Variants in CATSPERE observed in about 807,000 individuals in gnomAD.
CATSPERE encodes the protein catsper channel auxiliary subunit epsilon.
Under a neutral mutation model 114.1 loss-of-function variants are expected in CATSPERE, and 93 were observed. The ratio of observed to expected loss-of-function variants is 0.81; its 90% CI spans 0.69 to 0.97. CATSPERE has a LOEUF of 0.97. CATSPERE is among the 50% of genes least tolerant of loss of function. The pLI, the probability that CATSPERE is intolerant of heterozygous loss-of-function variation, is 0.00. For synonymous variants in CATSPERE, 341 were observed against 384.1 expected (o/e 0.89, Z 1.31); for missense variants, 1,058 against 1,131.6 (o/e 0.93, Z 0.93).
At chr1:244,562,351 C>G (rs12064500) in intron 10 of CATSPERE, among the ~76,000 whole-genome samples, 30,050 of 151,908 alleles carry the variant, frequency 0.2, 4,457 homozygotes, top group East Asian at 0.42. Context: ...TATTTAGATA[C>G]ATATTAGCCT....
chr1:244,491,121 C>T (rs903293795), intron 6 of CATSPERE, among the ~76,000 whole-genome samples: 1 of 152,076 alleles, frequency 6.6e-6, no homozygotes, highest in Non-Finnish European at 1.5e-5. Flanking sequence ...GAACTCTCCA[C>T]CACAAATCAA....
chr1:244,583,508 C>T (rs1238135290), intron 12 of CATSPERE, among the ~76,000 whole-genome samples: 1 of 152,122 alleles, frequency 6.6e-6, no homozygotes, highest in Non-Finnish European at 1.5e-5. Flanking sequence ...GTGGCTGCCA[C>T]CTTCAGGTCG....
intron 20 of CATSPERE, among the ~76,000 whole-genome samples, chr1:244,621,072 A>T (rs1163825415): frequency 3.1e-4 from 21 of 67,596 alleles, no homozygotes; most frequent in Non-Finnish European, 3.8e-4. Flanking sequence ...ATATATATAA[A>T]ATATATATAT....
At chr1:244,468,405 T>G (rs1298822360) in intron 2 of CATSPERE, among the ~76,000 whole-genome samples, 3 of 152,186 alleles carry the variant, frequency 2.0e-5, no homozygotes, top group African/African-American at 7.2e-5. Flanking sequence ...TTGGTCTTTT[T>G]AAGAATCATC....
At chr1:244,500,887 C>G (rs547614375) in intron 7 of CATSPERE, among the ~76,000 whole-genome samples, 1 of 152,300 alleles carries the variant, frequency 6.6e-6, no homozygotes, top group East Asian at 1.9e-4. Flanking sequence ...TGAAGAAAGT[C>G]AGTGGTAGCT....
At position 244,558,557 on chromosome 1, in the gene CATSPERE, T is replaced by A. The variant is rs573941362; in HGVS notation, c.1030-2111T>A. On this transcript the variant is annotated intron_variant, in intron 9 of 21. Coordinates refer to ENST00000366534, the MANE Select transcript of CATSPERE (RefSeq NM_001130957.2). ...TTTCTCTTTAGACATTCTGGGCACC[T>A]TATCACTGACAACATTCCAGAGACC... is the stretch of plus-strand genomic sequence containing the variant. Among the ~76,000 whole-genome samples the A allele has an allele frequency of 2.6e-5, 4 of 152,308 alleles. No homozygotes were observed. The South Asian group carries it at 6.2e-4, about 24-fold the overall frequency.
intron 8 of CATSPERE, among the ~76,000 whole-genome samples, chr1:244,540,834 C>A (rs368940587): frequency 1.3e-5 from 1 of 74,762 alleles, no homozygotes; most frequent in African/African-American, 3.8e-5. Flanking sequence ...CATAACAGAG[C>A]CCTCAGAAAT....
intron 7 of CATSPERE, among the ~76,000 whole-genome samples, chr1:244,509,558 C>T (rs1343588543): frequency 6.6e-6 from 1 of 152,030 alleles, no homozygotes; most frequent in Non-Finnish European, 1.5e-5. Context: ...GTGTCCTTGT[C>T]TGGTTTTGGT....
At chr1:244,623,525 G>T (rs148425249) in intron 20 of CATSPERE, among the ~76,000 whole-genome samples, 1 of 152,316 alleles carries the variant, frequency 6.6e-6, no homozygotes, top group Non-Finnish European at 1.5e-5. Context: ...ACATGTCACA[G>T]AAAGAATAAA....
intron 13 of CATSPERE, among the ~76,000 whole-genome samples, chr1:244,584,897 G>A (rs1172894517): frequency 1.3e-5 from 2 of 152,094 alleles, no homozygotes; most frequent in Non-Finnish European, 2.9e-5. Context: ...CAACTCCCCT[G>A]TCTGCCTACC....
intron 20 of CATSPERE, among the ~76,000 whole-genome samples, chr1:244,635,284 T>C (rs1219517976): frequency 5.3e-5 from 8 of 152,228 alleles, no homozygotes; most frequent in Admixed American, 5.2e-4. Flanking sequence ...CAGAGAGCTC[T>C]TCAGGAATCT....
chr1:244,595,281 GGA>G (rs1668240643), intron 17 of CATSPERE, among the ~76,000 whole-genome samples: 1 of 152,146 alleles, frequency 6.6e-6, no homozygotes, highest in Non-Finnish European at 1.5e-5. Context: ...CAGTGTGGGT[GGA>G]TAGTATTGAA....
chr1:244,635,294 T>G (rs753870954), intron 20 of CATSPERE, among the ~76,000 whole-genome samples, 195 bp from the exon 21 acceptor site: 8 of 152,198 alleles, frequency 5.3e-5, no homozygotes, highest in Non-Finnish European at 1.0e-4. Flanking sequence ...TTCAGGAATC[T>G]CAGAGAAGCC....
chr1:244,562,558 G>GA (rs944277579), intron 10 of CATSPERE, among the ~76,000 whole-genome samples: 11 of 152,000 alleles, frequency 7.2e-5, no homozygotes, highest in Non-Finnish European at 1.0e-4. Flanking sequence ...CAAAAGTATT[G>GA]AAAATGTATC....
At chr1:244,576,895 TTAAA>T (rs2148592920) in intron 11 of CATSPERE, among the ~76,000 whole-genome samples, 1 of 152,332 alleles carries the variant, frequency 6.6e-6, no homozygotes, top group South Asian at 2.1e-4. Context: ...TTACTTTAAC[TTAAA>T]TATATATGAA....
intron 5 of CATSPERE, among the ~76,000 whole-genome samples, chr1:244,482,676 G>A (rs932052959): frequency 1.3e-5 from 2 of 152,046 alleles, no homozygotes; most frequent in African/African-American, 4.8e-5. Context: ...AAAAAGGATA[G>A]TAATGAAATC....
chr1:244,574,494 T>G (rs111792139), intron 11 of CATSPERE, among the ~76,000 whole-genome samples: 7 of 152,312 alleles, frequency 4.6e-5, no homozygotes, highest in African/African-American at 1.7e-4. Context: ...AAACTTTTTA[T>G]TTTTACAATT....
intron 2 of CATSPERE, among the ~76,000 whole-genome samples, chr1:244,469,650 T>G (rs1445981855): frequency 6.6e-6 from 1 of 152,206 alleles, no homozygotes; most frequent in Non-Finnish European, 1.5e-5. Flanking sequence ...AACAAAAAAC[T>G]ATTAGAACTA....
At chr1:244,464,395 A>G (rs931088405) in intron 2 of CATSPERE, among the ~76,000 whole-genome samples, 1 of 152,212 alleles carries the variant, frequency 6.6e-6, no homozygotes, top group African/African-American at 2.4e-5. Flanking sequence ...CTGCCTAATT[A>G]CTGGTGTAAA....
Sources: gnomAD v4.1 joint callset for allele counts (sites outside exome capture counted in the v4.1 genomes callset) on GRCh38, gnomAD v4.1.1 for gene constraint, MANE v1.5 for transcripts, NCBI Gene and HGNC (gene_info 2026-07-23, HGNC 2026-07-21) for gene names.